Variants in CDH4 observed in about 807,000 individuals in gnomAD.
The protein encoded by CDH4 is cadherin 4.
Under a neutral mutation model 86.0 loss-of-function variants are expected in CDH4, and 33 were observed. That is an observed-to-expected ratio of 0.38 (90% CI 0.29 to 0.51). The LOEUF is 0.51. Among genes scored for constraint, CDH4 ranks in the 20% least tolerant of loss-of-function variants. CDH4 has a pLI of 0.86. For synonymous variants in CDH4, 555 were observed against 549.4 expected (o/e 1.01, Z -0.14); for missense variants, 1,114 against 1,307.4 (o/e 0.85, Z 2.28).
intron 2 of CDH4, among the ~76,000 whole-genome samples, chr20:61,522,889 C>A (rs185931411): frequency 6.6e-6 from 1 of 152,382 alleles, no homozygotes; most frequent in African/African-American, 2.4e-5. Context: ...GAGCCCTCTG[C>A]AGTGTTCTGC....
chr20:61,260,671 G>A (rs1480381156), intron 2 of CDH4, among the ~76,000 whole-genome samples: 1 of 152,198 alleles, frequency 6.6e-6, no homozygotes, highest in Non-Finnish European at 1.5e-5. Flanking sequence ...TGCCTCCATG[G>A]GTGGTCACTT....
chr20:61,401,500 C>T (rs542063081), intron 2 of CDH4, among the ~76,000 whole-genome samples: 2 of 152,288 alleles, frequency 1.3e-5, no homozygotes, highest in East Asian at 1.9e-4. Context: ...AAACGTAACT[C>T]GTGCTCGTGC....
At chr20:61,254,996 C>A in intron 2 of CDH4, 59 bp downstream of exon 2, 1 of 985,884 alleles carries the variant, frequency 1.0e-6, no homozygotes, top group African/African-American at 1.6e-5. Flanking sequence ...CTTGGGGAAA[C>A]ATGTAGATGG....
rs556548315 is a variant in CDH4, at chr20:61,801,216, C to T, written c.576+28034C>T. ...ACCTCTCAGTGTCTGCAGGCTGCAG[C>T]GGGAGAGCCGGCAGAAAGCAGGGTG... On this transcript the variant is annotated intron_variant, in intron 4 of 15. Coordinates refer to ENST00000614565, the MANE Select transcript of CDH4 (RefSeq NM_001794.5). Among the ~76,000 whole-genome samples the T allele has an allele frequency of 9.2e-5, 14 of 152,234 alleles. No individual in the cohort carries two copies. The East Asian group carries it at 2.1e-3, about 23-fold the overall frequency.
intron 2 of CDH4, among the ~76,000 whole-genome samples, chr20:61,478,565 G>A (rs1489263936): frequency 6.6e-6 from 1 of 152,200 alleles, no homozygotes; most frequent in African/African-American, 2.4e-5. Flanking sequence ...CCCTCCATGT[G>A]TAGATTAACC....
chr20:61,319,229 G>A (rs2084494850), intron 2 of CDH4, among the ~76,000 whole-genome samples: 4 of 151,942 alleles, frequency 2.6e-5, no homozygotes, highest in African/African-American at 9.7e-5. Context: ...ATAAGCAGGT[G>A]CATTATTATC....
chr20:61,749,839 T>C (rs2088467392), intron 3 of CDH4, among the ~76,000 whole-genome samples: 2 of 152,180 alleles, frequency 1.3e-5, no homozygotes, highest in South Asian at 4.1e-4. Context: ...GGCAGGTGGA[T>C]CACCTGAGGT....
At position 61,292,985 on chromosome 20, in the gene CDH4, G is replaced by A. The variant is rs570276287; in HGVS notation, c.169+38048G>A. ...CAGGCCTTTGAGTCTGTGTGCTGCCGGGGTCTGCGGCGACCTGCCTAGGGG... is the reference window on the plus strand; with the variant it reads ...CAGGCCTTTGAGTCTGTGTGCTGCCAGGGTCTGCGGCGACCTGCCTAGGGG... On this transcript the variant is annotated intron_variant, in intron 2 of 15. Coordinates refer to ENST00000614565, the MANE Select transcript of CDH4 (RefSeq NM_001794.5). Among the ~76,000 whole-genome samples the A allele has an allele frequency of 4.1e-4, 63 of 152,266 alleles. 1 individual carries two copies. Among genetic ancestry groups the A allele is most frequent in the Non-Finnish European group, 6.3e-4 (43 of 68,014 alleles).
chr20:61,496,773 T>C (rs902178237), intron 2 of CDH4, among the ~76,000 whole-genome samples: 9 of 152,216 alleles, frequency 5.9e-5, no homozygotes, highest in Non-Finnish European at 1.0e-4. Context: ...TGTGATTTCT[T>C]CACTATGGTT....
intron 2 of CDH4, among the ~76,000 whole-genome samples, chr20:61,638,111 A>C (rs2086968251): frequency 6.6e-6 from 1 of 152,016 alleles, no homozygotes; most frequent in South Asian, 2.1e-4. Flanking sequence ...GTTGAAAGAC[A>C]GCCAAAAATC....
At chr20:61,744,519 A>G (rs2386941) in intron 3 of CDH4, among the ~76,000 whole-genome samples, 2 of 33,460 alleles carry the variant, frequency 6.0e-5, no homozygotes, top group Admixed American at 4.2e-4. Flanking sequence ...AGGGGAGAGG[A>G]AGAGAGGGAG....
chr20:61,590,885 G>T lies in CDH4; in HGVS notation c.170-152678G>T, dbSNP rs866948424. ...GTCTTCCCTAAATCTATGGGGGGGG[G>T]GGTCCCCGGGTCTCCAGGCTCCAGC... On this transcript the variant is annotated intron_variant, in intron 2 of 15. Transcript: ENST00000614565. 3.2e-3 allele frequency among the ~76,000 whole-genome samples: 485 copies of T among 151,632 alleles called. 7 individuals carry two copies. The highest frequency in any genetic ancestry group is 0.011 in the African/African-American group (456 of 41,178).
chr20:61,339,458 CAT>C (rs35832701), intron 2 of CDH4, among the ~76,000 whole-genome samples: 19,904 of 152,110 alleles, frequency 0.13, 1,693 homozygotes, highest in East Asian at 0.32. Context: ...CATGTGCGTG[CAT>C]GTGTGTGTGT....
At chr20:61,295,558 T>C (rs902431234) in intron 2 of CDH4, among the ~76,000 whole-genome samples, 2 of 152,008 alleles carry the variant, frequency 1.3e-5, no homozygotes, top group Non-Finnish European at 2.9e-5. Context: ...TCAATACTTA[T>C]CAGTATCGAA....
intron 2 of CDH4, chr20:61,599,989 G>A: frequency 1.0e-6 from 1 of 979,962 alleles, no homozygotes; most frequent in Non-Finnish European, 1.2e-6. Context: ...TGAAGTGACA[G>A]GTACCCCGTG....
chr20:61,931,259 T>C (rs1160589833), intron 13 of CDH4, among the ~76,000 whole-genome samples: 2 of 152,200 alleles, frequency 1.3e-5, no homozygotes, highest in South Asian at 2.1e-4. Flanking sequence ...GGCTCCAGGC[T>C]CCAGGTTCTC....
intron 2 of CDH4, among the ~76,000 whole-genome samples, chr20:61,421,803 A>T (rs144516601): frequency 7.2e-4 from 110 of 152,306 alleles, no homozygotes; most frequent in African/African-American, 2.4e-3. Flanking sequence ...TGGCTGATGG[A>T]GGCCCACTGG....
intron 2 of CDH4, among the ~76,000 whole-genome samples, chr20:61,562,430 CA>C (rs2086226216): frequency 6.6e-6 from 1 of 151,164 alleles, no homozygotes. Context: ...AGGTGGACCC[CA>C]GGACTCCCGG....
chr20:61,935,361 C>T (rs370376869), intron 15 of CDH4, among the ~76,000 whole-genome samples: 12 of 152,370 alleles, frequency 7.9e-5, no homozygotes, highest in East Asian at 1.9e-4. Context: ...CAACTGCCCA[C>T]GCAGAAGCTG....
Sources: gnomAD v4.1 joint callset for allele counts (sites outside exome capture counted in the v4.1 genomes callset) on GRCh38, gnomAD v4.1.1 for gene constraint, MANE v1.5 for transcripts, NCBI Gene and HGNC (gene_info 2026-07-23, HGNC 2026-07-21) for gene names.